Variants in ST7 observed in about 807,000 individuals in gnomAD.
ST7 encodes the protein suppressor of tumorigenicity 7 protein.
In ST7, 28 loss-of-function variants were observed where a neutral mutation model predicts 78.7. The observed-to-expected ratio is 0.36, with a 90% confidence interval of 0.26 to 0.49. The LOEUF is 0.49. Ranked by LOEUF, ST7 falls within the 20% of genes least tolerant of loss-of-function variation. The probability of loss-of-function intolerance (pLI) is 0.99; values close to 1 mark genes in which losing one functional copy is unlikely to be tolerated. For synonymous variants in ST7, 247 were observed against 249.6 expected (o/e 0.99, Z 0.10); for missense variants, 418 against 696.0 (o/e 0.60, Z 4.49).
At chr7:117,034,092 C>G (rs1047585455) in intron 1 of ST7, among the ~76,000 whole-genome samples, 1 of 152,102 alleles carries the variant, frequency 6.6e-6, no homozygotes, top group Non-Finnish European at 1.5e-5. Context: ...CAGGTGCACA[C>G]CACTATGCCC....
chr7:116,997,370 GTCT>G (rs1408550573), intron 1 of ST7, among the ~76,000 whole-genome samples: 1 of 152,128 alleles, frequency 6.6e-6, no homozygotes, highest in African/African-American at 2.4e-5. Context: ...GAGCTGATTG[GTCT>G]GTTTTACAGG....
intron 9 of ST7, among the ~76,000 whole-genome samples, chr7:117,163,741 C>T (rs173496): frequency 0.07 from 10,640 of 151,994 alleles, 499 homozygotes; most frequent in East Asian, 0.19. Context: ...ATAGGTTGTC[C>T]GTCTTTTAAC....
chr7:116,954,759 T>C, intron 1 of ST7: 1 of 221,802 alleles, frequency 4.5e-6, no homozygotes, highest in South Asian at 6.3e-5. Context: ...TATATACATA[T>C]GTACACATAT....
chr7:117,224,937 A>C (rs1210460972), intron 15 of ST7, among the ~76,000 whole-genome samples: 2 of 152,144 alleles, frequency 1.3e-5, no homozygotes, highest in Non-Finnish European at 2.9e-5. Flanking sequence ...AATCATCGAA[A>C]AACTTAAAAG....
chr7:117,073,303 T>C (rs1288708035), intron 1 of ST7, among the ~76,000 whole-genome samples: 1 of 152,178 alleles, frequency 6.6e-6, no homozygotes, highest in East Asian at 1.9e-4. Context: ...TCATGGTATA[T>C]TAAGGAAAAT....
chr7:116,953,722 C>G (rs1303435926), intron 1 of ST7, 31 bp downstream of exon 1: 1 of 1,390,814 alleles, frequency 7.2e-7, no homozygotes, highest in Non-Finnish European at 9.5e-7. Flanking sequence ...CCGCGGCGCC[C>G]ACCCCTCCCC....
intron 1 of ST7, among the ~76,000 whole-genome samples, chr7:117,004,679 C>A (rs922226113): frequency 2.6e-5 from 4 of 151,942 alleles, no homozygotes; most frequent in Admixed American, 6.6e-5. Flanking sequence ...TAAATAAATA[C>A]ATACATACAT....
intron 3 of ST7, among the ~76,000 whole-genome samples, chr7:117,125,998 G>A (rs1255068898): frequency 6.6e-6 from 1 of 151,940 alleles, no homozygotes; most frequent in Non-Finnish European, 1.5e-5. Flanking sequence ...TATGTAAAAA[G>A]GGTGTAATAT....
Position 117,219,220 on chromosome 7 carries a change from G to T in ST7, c.1498+44G>T. On this transcript the variant is annotated intron_variant, in intron 14 of 15. Transcript: ENST00000323984. This position sits in a 1 kb window ranked among gnomAD's most constrained non-coding sequence, Gnocchi z 5.1. Reference sequence around the variant, plus strand: ...CAGCCAGTGAGGGTGTGTGGTGAAAGGTGGGGATTGGAAGAGGTGGGAATA... The same window carrying T: ...CAGCCAGTGAGGGTGTGTGGTGAAATGTGGGGATTGGAAGAGGTGGGAATA... 6.6e-7 allele frequency: 1 copy of T among 1,508,372 alleles called. No homozygotes were observed. Among genetic ancestry groups the T allele is most frequent in the Non-Finnish European group, 9.1e-7 (1 of 1,096,974 alleles). 93.4% of individuals were successfully genotyped at this position (1,508,372 alleles called of 1,614,324 possible).
chr7:117,120,832 G>A (rs556478928), intron 3 of ST7, among the ~76,000 whole-genome samples: 1 of 152,038 alleles, frequency 6.6e-6, no homozygotes, highest in East Asian at 1.9e-4. Flanking sequence ...TGCTGTTACA[G>A]CACTAAGAAT....
At chr7:117,015,567 G>T (rs1261066652) in intron 1 of ST7, among the ~76,000 whole-genome samples, 1 of 152,058 alleles carries the variant, frequency 6.6e-6, no homozygotes, top group African/African-American at 2.4e-5. Context: ...GCATAGACTT[G>T]TTTCTCAATC....
At chr7:117,202,791 C>T (rs1355148340) in intron 12 of ST7, among the ~76,000 whole-genome samples, 1 of 152,186 alleles carries the variant, frequency 6.6e-6, no homozygotes, top group African/African-American at 2.4e-5. Flanking sequence ...GAGGGTTCCC[C>T]GGACCTCTCT....
intron 9 of ST7, among the ~76,000 whole-genome samples, chr7:117,144,632 C>T (rs1805598551): frequency 7.8e-6 from 1 of 128,476 alleles, no homozygotes; most frequent in South Asian, 2.3e-4. Context: ...GACCCTGTCT[C>T]CAAAAAAAAA....
intron 1 of ST7, among the ~76,000 whole-genome samples, chr7:117,055,740 G>A (rs1798030105): frequency 6.6e-6 from 1 of 152,100 alleles, no homozygotes; most frequent in South Asian, 2.1e-4. Context: ...TGGTACTATT[G>A]CTTCTTTTTA....
chr7:117,038,276 C>T lies in ST7; in HGVS notation c.152-61486C>T, dbSNP rs143056168. Among the ~76,000 whole-genome samples the T allele has an allele frequency of 5.3e-3, 804 of 152,272 alleles. 7 individuals are homozygous for T. The highest frequency in any genetic ancestry group is 0.018 in the African/African-American group (766 of 41,570). On this transcript the variant is annotated intron_variant, in intron 1 of 15. Coordinates refer to ENST00000323984, the MANE Select transcript of ST7 (RefSeq NM_001369598.1). The stretch of plus-strand genomic sequence containing the variant: ...CTACCTTGTTAATACTACTTTTTCT[C>T]TGTTGGGTATTGATTAACACCTAGT...
At chr7:117,092,315 A>G (rs1036389630) in intron 1 of ST7, among the ~76,000 whole-genome samples, 8 of 148,408 alleles carry the variant, frequency 5.4e-5, no homozygotes, top group Admixed American at 2.7e-4. Flanking sequence ...GAAGTTATGA[A>G]TACCAGCCAA....
At chr7:117,020,809 G>A (rs1795861117) in intron 1 of ST7, among the ~76,000 whole-genome samples, 2 of 152,160 alleles carry the variant, frequency 1.3e-5, no homozygotes, top group South Asian at 4.1e-4. Flanking sequence ...TCATCCTTAA[G>A]GCCAGGGATG....
chr7:117,203,682 T>C (rs558456992), intron 12 of ST7, among the ~76,000 whole-genome samples: 2 of 152,332 alleles, frequency 1.3e-5, no homozygotes, highest in East Asian at 3.9e-4. Context: ...CTAAGGTACT[T>C]ACCATGTTGA....
intron 1 of ST7, among the ~76,000 whole-genome samples, chr7:116,963,953 A>G (rs1033110282): frequency 6.6e-6 from 1 of 152,192 alleles, no homozygotes; most frequent in Non-Finnish European, 1.5e-5. Flanking sequence ...GTGGTTAAGT[A>G]TCAGTCTTTC....
Sources: gnomAD v4.1 joint callset for allele counts (sites outside exome capture counted in the v4.1 genomes callset) on GRCh38, gnomAD v4.1.1 for gene constraint, Gnocchi (gnomAD v3.1) non-coding constraint, MANE v1.5 for transcripts, NCBI Gene and HGNC (gene_info 2026-07-23, HGNC 2026-07-21) for gene names.